N4BP2L2: variants seen among roughly 807,000 people sequenced by gnomAD.
N4BP2L2 encodes NEDD4-binding protein 2-like 2.
A neutral mutation model predicts 56.2 loss-of-function variants in N4BP2L2; 50 were observed. The observed-to-expected ratio is 0.89, with a 90% CI of 0.71 to 1.13. N4BP2L2 has a LOEUF of 1.13. Ranked by LOEUF, N4BP2L2 falls within the 50% of genes most tolerant of loss-of-function variation. The probability of loss-of-function intolerance (pLI) is 0.00; values close to 1 mark genes in which losing one functional copy is unlikely to be tolerated. For missense variants in N4BP2L2, 689 were observed against 693.8 expected, an observed-to-expected ratio of 0.99 and a Z score of 0.08; for synonymous variants, 203 against 223.6, an observed-to-expected ratio of 0.91 and a Z score of 0.82.
intron 6 of N4BP2L2, among the ~76,000 whole-genome samples, chr13:32,459,239 C>T (rs1444267031): frequency 6.6e-6 from 1 of 151,592 alleles, no homozygotes; most frequent in Non-Finnish European, 1.5e-5. Flanking sequence ...ACTAGAAAAG[C>T]AAAAACAGCC....
At chr13:32,484,569 C>T (rs1003448068) in intron 6 of N4BP2L2, among the ~76,000 whole-genome samples, 3 of 152,086 alleles carry the variant, frequency 2.0e-5, no homozygotes, top group East Asian at 1.9e-4. Flanking sequence ...CTGCAACCTC[C>T]GCCTCCCGGG....
At chr13:32,533,987 A>G (rs2055797062) in intron 2 of N4BP2L2, among the ~76,000 whole-genome samples, 1 of 152,202 alleles carries the variant, frequency 6.6e-6, no homozygotes, top group South Asian at 2.1e-4. Context: ...ATTAAGCATT[A>G]CAGTGAAGGC....
chr13:32,488,698 G>C (rs1212026672), intron 6 of N4BP2L2, among the ~76,000 whole-genome samples: 2 of 152,168 alleles, frequency 1.3e-5, no homozygotes, highest in Non-Finnish European at 2.9e-5. Context: ...AATGTTAATG[G>C]TGGTAAATTT....
At chr13:32,512,483 T>C (rs545088855) in exon 6 of N4BP2L2, 3 of 152,320 alleles carry the variant, frequency 2.0e-5, no homozygotes, top group South Asian at 4.1e-4. Flanking sequence ...AAGTGAATTA[T>C]AATGTGTAAT....
chr13:32,513,444 T>C (rs761618091), exon 6 of N4BP2L2: 8 of 152,172 alleles, frequency 5.3e-5, no homozygotes, highest in Admixed American at 1.3e-4. Context: ...ACAGTATACA[T>C]ACAGGGAAGC....
chr13:32,460,721 T>C (rs1196867622), intron 6 of N4BP2L2, among the ~76,000 whole-genome samples: 1 of 151,576 alleles, frequency 6.6e-6, no homozygotes. Context: ...TTCAAAGAAA[T>C]AGAAAAAAAT....
chr13:32,459,269 A>C (rs1253386228), intron 6 of N4BP2L2, among the ~76,000 whole-genome samples: 2 of 152,184 alleles, frequency 1.3e-5, no homozygotes, highest in African/African-American at 4.8e-5. Flanking sequence ...TTAATAGAAG[A>C]AAAGAAATAT....
intron 6 of N4BP2L2, among the ~76,000 whole-genome samples, chr13:32,460,806 A>G (rs1338699938): frequency 6.6e-6 from 1 of 152,056 alleles, no homozygotes; most frequent in African/African-American, 2.4e-5. Context: ...TAACAACAAC[A>G]AACAAATGAA....
intron 6 of N4BP2L2, chr13:32,446,563 G>GT: frequency 7.9e-7 from 1 of 1,266,292 alleles, no homozygotes. Context: ...TACTAATGAC[G>GT]TAAGAGACTC....
intron 6 of N4BP2L2, among the ~76,000 whole-genome samples, chr13:32,470,704 C>A (rs2082135975): frequency 6.6e-6 from 1 of 152,166 alleles, no homozygotes; most frequent in Admixed American, 6.5e-5. Flanking sequence ...GTAACAAGCC[C>A]CCAGAATGGG....
intron 4 of N4BP2L2, 133 bp from the exon 5 acceptor site, chr13:32,521,582 A>C (rs1381348304): frequency 9.8e-6 from 6 of 613,596 alleles, no homozygotes; most frequent in Non-Finnish European, 1.7e-5. Context: ...TTTATAAAAT[A>C]ATATGGTTTA....
intron 8 of N4BP2L2, among the ~76,000 whole-genome samples, chr13:32,438,242 T>A (rs1164814726): frequency 6.6e-6 from 1 of 152,174 alleles, no homozygotes; most frequent in Non-Finnish European, 1.5e-5. Context: ...TACAATGGAA[T>A]AATATTCAGC....
exon 6 of N4BP2L2, chr13:32,511,980 A>C (rs2048245993): frequency 6.6e-6 from 1 of 152,296 alleles, no homozygotes; most frequent in South Asian, 2.1e-4. Context: ...GAATGAAGAG[A>C]TATTCTGAAA....
chr13:32,533,512 CTAATTT>C (rs1250176210), intron 2 of N4BP2L2, among the ~76,000 whole-genome samples: 1 of 146,510 alleles, frequency 6.8e-6, no homozygotes, highest in African/African-American at 2.6e-5. Context: ...ATAAGCATTA[CTAATTT>C]TTTTTTTTTT....
chr13:32,536,687 T>C, exon 2 of N4BP2L2: 2 of 1,614,160 alleles, frequency 1.2e-6, no homozygotes, highest in Non-Finnish European at 1.7e-6. Context: ...ATATATCTCA[T>C]CGTCTGCGGA....
chr13:32,455,429 T>C (rs956192069), intron 6 of N4BP2L2, among the ~76,000 whole-genome samples: 1 of 152,160 alleles, frequency 6.6e-6, no homozygotes, highest in South Asian at 2.1e-4. Context: ...AGCCCTGAGA[T>C]CAGACTCTGC....
At chr13:32,538,495 G>T in intron 1 of N4BP2L2, 123 bp downstream of exon 1, 1 of 524,020 alleles carries the variant, frequency 1.9e-6, no homozygotes. Flanking sequence ...GGTCTCTGAG[G>T]CGCAAAAGTT....
At chr13:32,450,083 T>C (rs2077670325) in intron 6 of N4BP2L2, among the ~76,000 whole-genome samples, 1 of 152,116 alleles carries the variant, frequency 6.6e-6, no homozygotes, top group Admixed American at 6.5e-5. Flanking sequence ...CATCCAACAA[T>C]TGGTGAAAAC....
At chr13:32,529,537 C>T (rs138517641) in intron 2 of N4BP2L2, among the ~76,000 whole-genome samples, 44 of 152,190 alleles carry the variant, frequency 2.9e-4, no homozygotes, top group African/African-American at 9.6e-4. Flanking sequence ...CATTCTAAAG[C>T]AAAACTCAAT....
Sources: gnomAD v4.1 joint callset for allele counts (sites outside exome capture counted in the v4.1 genomes callset) on GRCh38, gnomAD v4.1.1 for gene constraint, MANE v1.5 for transcripts, NCBI Gene and HGNC (gene_info 2026-07-23, HGNC 2026-07-21) for gene names.